The following ELP4 variants were observed in gnomAD, a reference collection of about 807,000 sequenced individuals.
The protein encoded by ELP4 is elongator complex protein 4.
A neutral mutation model predicts 48.9 loss-of-function variants in ELP4; 51 were observed. The observed-to-expected ratio is 1.04, with a 90% CI of 0.83 to 1.32. The LOEUF (loss-of-function observed/expected upper bound fraction) is 1.32, where lower values mean the gene tolerates loss of function less well. Ranked by LOEUF, ELP4 falls within the 40% of genes most tolerant of loss-of-function variation. The probability of loss-of-function intolerance (pLI) is 0.00; values close to 1 mark genes in which losing one functional copy is unlikely to be tolerated. For missense variants in ELP4, 519 were observed against 514.6 expected (o/e 1.01, Z -0.08); for synonymous variants, 210 against 189.2 (o/e 1.11, Z -0.90).
At chr11:31,540,200 C>T (rs1294977075) in intron 3 of ELP4, among the ~76,000 whole-genome samples, 1 of 152,092 alleles carries the variant, frequency 6.6e-6, no homozygotes, top group African/African-American at 2.4e-5. Context: ...AGCAAATTTT[C>T]CAAAGTCTAA....
chr11:31,772,829 A>G (rs1026425598), intron 9 of ELP4, among the ~76,000 whole-genome samples: 4 of 152,232 alleles, frequency 2.6e-5, no homozygotes, highest in Admixed American at 6.5e-5. Flanking sequence ...AATCTCTGCC[A>G]TAATTCACTT....
intron 9 of ELP4, among the ~76,000 whole-genome samples, chr11:31,705,230 G>A (rs1946605833): frequency 6.6e-6 from 1 of 152,080 alleles, no homozygotes; most frequent in African/African-American, 2.4e-5. Context: ...ATCATAATAT[G>A]GCAGAGAACA....
At chr11:31,687,635 C>T (rs529076190) in intron 9 of ELP4, 37 of 152,172 alleles carry the variant, frequency 2.4e-4, no homozygotes, top group African/African-American at 8.7e-4. Context: ...GAAATAGAGA[C>T]AGCAAGTATC....
intron 3 of ELP4, among the ~76,000 whole-genome samples, chr11:31,540,801 T>C (rs1371903292): frequency 6.6e-6 from 1 of 152,206 alleles, no homozygotes; most frequent in Non-Finnish European, 1.5e-5. Flanking sequence ...ATTACCAGTA[T>C]GCCAGAGGTA....
intron 9 of ELP4, chr11:31,687,607 A>G (rs865870164): frequency 3.3e-5 from 5 of 152,184 alleles, no homozygotes; most frequent in African/African-American, 1.2e-4. Flanking sequence ...AAAGTAGAAA[A>G]AGTGAATGGG....
intron 1 of ELP4, among the ~76,000 whole-genome samples, chr11:31,514,280 G>A (rs953051057): frequency 6.6e-6 from 1 of 152,122 alleles, no homozygotes; most frequent in Admixed American, 6.5e-5. Context: ...GCAACATAGA[G>A]AGACCCTGGC....
At chr11:31,547,313 G>T (rs527693272) in intron 3 of ELP4, among the ~76,000 whole-genome samples, 1 of 151,952 alleles carries the variant, frequency 6.6e-6, no homozygotes, top group African/African-American at 2.4e-5. Context: ...TATCACCACC[G>T]ATCCCACAGA....
chr11:31,607,633 T>G (rs1460047532), intron 5 of ELP4, among the ~76,000 whole-genome samples: 3 of 152,190 alleles, frequency 2.0e-5, no homozygotes, highest in Non-Finnish European at 2.9e-5. Context: ...AGGGTACACT[T>G]TCAAACTATT....
intron 9 of ELP4, among the ~76,000 whole-genome samples, chr11:31,709,886 A>T (rs1400492689): frequency 6.6e-6 from 1 of 152,190 alleles, no homozygotes; most frequent in Non-Finnish European, 1.5e-5. Flanking sequence ...ATTATTAATT[A>T]TTACTATGTA....
intron 9 of ELP4, among the ~76,000 whole-genome samples, chr11:31,732,739 A>G (rs1346969808): frequency 6.6e-6 from 1 of 152,228 alleles, no homozygotes; most frequent in Non-Finnish European, 1.5e-5. Context: ...TGCAAATGGA[A>G]ACCAAAATAG....
intron 9 of ELP4, among the ~76,000 whole-genome samples, chr11:31,746,992 A>G (rs1380604354): frequency 1.3e-5 from 2 of 152,010 alleles, no homozygotes; most frequent in Non-Finnish European, 2.9e-5. Context: ...TTATTTTCAG[A>G]CTTTTAAATA....
intron 2 of ELP4, among the ~76,000 whole-genome samples, chr11:31,535,852 T>G (rs937895631): frequency 3.3e-5 from 5 of 152,216 alleles, no homozygotes; most frequent in Non-Finnish European, 7.3e-5. Context: ...CATATGTGCT[T>G]TTTTTGTATC....
intron 9 of ELP4, among the ~76,000 whole-genome samples, chr11:31,686,588 G>T (rs1261150449): frequency 2.6e-5 from 4 of 152,092 alleles, no homozygotes; most frequent in African/African-American, 9.7e-5. Context: ...TGTTTTAGAA[G>T]TATCACTCTG....
chr11:31,601,446 A>T (rs1957780642), intron 4 of ELP4, among the ~76,000 whole-genome samples: 1 of 152,150 alleles, frequency 6.6e-6, no homozygotes, highest in South Asian at 2.1e-4. Context: ...AATAACAATT[A>T]TAATGAGAAA....
At chr11:31,627,066 G>A in intron 5 of ELP4, 44 bp from the exon 6 acceptor site, 1 of 1,081,148 alleles carries the variant, frequency 9.2e-7, no homozygotes, top group Non-Finnish European at 1.4e-6. Context: ...TACTTCTTAT[G>A]TAATAACCCA....
intron 5 of ELP4, among the ~76,000 whole-genome samples, chr11:31,622,241 C>G (rs995574375): frequency 6.6e-6 from 1 of 151,654 alleles, no homozygotes; most frequent in Non-Finnish European, 1.5e-5. Flanking sequence ...TGTAACTTAA[C>G]CTTTTCACTG....
chr11:31,680,883 A>G (rs1946038240), intron 9 of ELP4, among the ~76,000 whole-genome samples: 1 of 152,210 alleles, frequency 6.6e-6, no homozygotes, highest in Non-Finnish European at 1.5e-5. Context: ...CGGACTGTAA[A>G]AACTCAATTT....
chr11:31,674,304 A>G (rs1945871903), intron 9 of ELP4, among the ~76,000 whole-genome samples: 1 of 152,234 alleles, frequency 6.6e-6, no homozygotes, highest in Non-Finnish European at 1.5e-5. Context: ...TATTTAATAA[A>G]GATTCACACC....
At chr11:31,735,448 C>G (rs1357247253) in intron 9 of ELP4, among the ~76,000 whole-genome samples, 6 of 152,152 alleles carry the variant, frequency 3.9e-5, no homozygotes. Context: ...CACTCCTATT[C>G]AACATAATGT....
Sources: allele counts gnomAD v4.1 joint callset (sites outside exome capture counted in the v4.1 genomes callset), GRCh38; gene constraint gnomAD v4.1.1; transcripts MANE v1.5; gene names NCBI Gene and HGNC (gene_info 2026-07-23, HGNC 2026-07-21).